MYLK: variants seen among roughly 807,000 people sequenced by gnomAD.
MYLK encodes myosin light chain kinase, smooth muscle.
MYLK carries 106 observed loss-of-function variants against 203.4 expected under a neutral mutation model. That is an observed-to-expected ratio of 0.52 (90% CI 0.45 to 0.61). MYLK has a LOEUF of 0.61. Ranked by LOEUF, MYLK falls within the 20% of genes least tolerant of loss-of-function variation. The pLI is 0.00. For missense variants in MYLK, 2,072 were observed against 2,442.3 expected, an observed-to-expected ratio of 0.85 and a Z score of 3.20; for synonymous variants, 867 against 959.5, an observed-to-expected ratio of 0.90 and a Z score of 1.78.
chr3:123,705,753 C>T (rs187361445), intron 16 of MYLK, among the ~76,000 whole-genome samples: 104 of 152,252 alleles, frequency 6.8e-4, no homozygotes, highest in African/African-American at 1.9e-3. Context: ...CTTTCTTGCT[C>T]GGCCTACTCA....
intron 13 of MYLK, among the ~76,000 whole-genome samples, chr3:123,711,289 G>A (rs1187935042): frequency 6.6e-6 from 1 of 152,136 alleles, no homozygotes; most frequent in Non-Finnish European, 1.5e-5. Context: ...TCATGGCAAA[G>A]GTTTCATGTG....
At position 123,627,337 on chromosome 3, in the gene MYLK, T is replaced by C. The variant is rs59703712; in HGVS notation, c.5115-396A>G. 0.022 allele frequency among the ~76,000 whole-genome samples: 3,409 copies of C among 152,318 alleles called. 199 individuals are homozygous for C. In the East Asian group the frequency reaches 0.24, roughly 11 times the overall value. Reference sequence around the variant, plus strand: ...ACAAAGCCTAATCCTCCTGCCACCCTGTCTGGAGGAGGGGAGAGTTAAATC... The same window carrying C: ...ACAAAGCCTAATCCTCCTGCCACCCCGTCTGGAGGAGGGGAGAGTTAAATC... On this transcript the variant is annotated intron_variant, in intron 30 of 33. Coordinates refer to ENST00000360304, the MANE Select transcript of MYLK (RefSeq NM_053025.4).
At chr3:123,618,570 T>C in intron 33 of MYLK, 69 bp downstream of exon 33, 1 of 1,604,258 alleles carries the variant, frequency 6.2e-7, no homozygotes, top group Non-Finnish European at 8.5e-7. Flanking sequence ...TTGCCCACGG[T>C]GCATGGTAGG....
rs562072050 is a variant in MYLK at position 123,841,010 on chromosome 3, G to A, written c.-126-9340C>T. Among the ~76,000 whole-genome samples, 46 of 152,180 alleles carry A rather than the reference G, an allele frequency of 3.0e-4. No individual in the cohort carries two copies. The South Asian group carries it at 9.3e-3, about 31-fold the overall frequency. ...GAGTACGAAGAAACAGATACATGGT[G>A]GAGACTTCAAACATATAATGAAATT... On this transcript the variant is annotated intron_variant, in intron 2 of 33. Transcript: ENST00000360304.
At chr3:123,764,971 C>T (rs558849303) in intron 4 of MYLK, among the ~76,000 whole-genome samples, 1 of 152,286 alleles carries the variant, frequency 6.6e-6, no homozygotes, top group South Asian at 2.1e-4. Flanking sequence ...GTTGTCTCTC[C>T]TCATTCTTTC....
At chr3:123,874,529 C>A (rs916512294) in intron 2 of MYLK, among the ~76,000 whole-genome samples, 2 of 152,020 alleles carry the variant, frequency 1.3e-5, no homozygotes, top group African/African-American at 4.8e-5. Flanking sequence ...AAATGTAAAA[C>A]GTCTTGAAGA....
chr3:123,704,296 T>C (rs778008394), intron 16 of MYLK, among the ~76,000 whole-genome samples: 14 of 152,326 alleles, frequency 9.2e-5, no homozygotes, highest in Non-Finnish European at 1.5e-4. Flanking sequence ...ATAAAGTTCA[T>C]AGTGGCCTCC....
At chr3:123,658,450 T>C (rs2059459986) in intron 23 of MYLK, among the ~76,000 whole-genome samples, 1 of 152,240 alleles carries the variant, frequency 6.6e-6, no homozygotes, top group South Asian at 2.1e-4. Context: ...AACTCTCCTA[T>C]TTTTCAGATT....
chr3:123,873,759 T>G (rs887151198), intron 2 of MYLK, among the ~76,000 whole-genome samples: 2 of 152,106 alleles, frequency 1.3e-5, no homozygotes, highest in African/African-American at 4.8e-5. Flanking sequence ...TCACATTAGA[T>G]TTTCAAACTC....
intron 2 of MYLK, among the ~76,000 whole-genome samples, chr3:123,838,957 T>C (rs1355238125): frequency 1.3e-5 from 2 of 152,094 alleles, no homozygotes; most frequent in Non-Finnish European, 2.9e-5. Flanking sequence ...TAGTCAGGCA[T>C]GGCGGCACGT....
intron 23 of MYLK, among the ~76,000 whole-genome samples, chr3:123,663,208 G>A (rs1170164302): frequency 6.6e-6 from 1 of 152,202 alleles, no homozygotes. Context: ...TGCTCCAGGA[G>A]AGAGCTGACC....
intron 3 of MYLK, among the ~76,000 whole-genome samples, chr3:123,799,497 T>C (rs1422401010): frequency 6.6e-6 from 1 of 152,170 alleles, no homozygotes; most frequent in Non-Finnish European, 1.5e-5. Flanking sequence ...TAAATGATCA[T>C]TGTCTTGAAG....
intron 3 of MYLK, among the ~76,000 whole-genome samples, chr3:123,813,468 T>C (rs1264681178): frequency 6.6e-6 from 1 of 151,748 alleles, no homozygotes; most frequent in African/African-American, 2.4e-5. Context: ...TCCATCAGGC[T>C]GGGCCCACCT....
chr3:123,673,517 C>T (rs1275088350), intron 20 of MYLK, among the ~76,000 whole-genome samples: 3 of 152,080 alleles, frequency 2.0e-5, no homozygotes, highest in African/African-American at 4.8e-5. Context: ...TTGGCCCTTT[C>T]ATCTATGTGG....
intron 19 of MYLK, among the ~76,000 whole-genome samples, chr3:123,686,920 T>A (rs561004365): frequency 3.3e-5 from 5 of 152,328 alleles, no homozygotes; most frequent in African/African-American, 1.2e-4. Context: ...TTGTCTGTGA[T>A]GATTTAAAGA....
At chr3:123,831,826 TG>T (rs915460976) in intron 2 of MYLK, among the ~76,000 whole-genome samples, 156 bp from the exon 3 acceptor site, 3 of 152,040 alleles carry the variant, frequency 2.0e-5, no homozygotes, top group African/African-American at 7.2e-5. Context: ...TATTACCGTG[TG>T]GGGGGGTTAT....
At chr3:123,638,860 G>A (rs560136225) in intron 28 of MYLK, 2 of 985,464 alleles carry the variant, frequency 2.0e-6, no homozygotes, top group African/African-American at 3.5e-5. Flanking sequence ...GACCAGAGAT[G>A]TCTGTTAATA....
chr3:123,683,985 C>G (rs763450705), intron 19 of MYLK, among the ~76,000 whole-genome samples: 2 of 152,184 alleles, frequency 1.3e-5, no homozygotes, highest in African/African-American at 2.4e-5. Context: ...CTCTTAAGCT[C>G]CTCAGGAGGC....
intron 20 of MYLK, among the ~76,000 whole-genome samples, chr3:123,672,605 T>A (rs1414379512): frequency 1.2e-4 from 19 of 152,196 alleles, no homozygotes; most frequent in Admixed American, 1.2e-3. Flanking sequence ...CCATACTTGG[T>A]GGCTCTGGGT....
Sources: gnomAD v4.1 joint callset for allele counts (sites outside exome capture counted in the v4.1 genomes callset) on GRCh38, gnomAD v4.1.1 for gene constraint, MANE v1.5 for transcripts, NCBI Gene and HGNC (gene_info 2026-07-23, HGNC 2026-07-21) for gene names.